ATXN10: variants seen among roughly 807,000 people sequenced by gnomAD.
The protein encoded by ATXN10 is ataxin 10.
A neutral mutation model predicts 52.9 loss-of-function variants in ATXN10; 28 were observed. That is an observed-to-expected ratio of 0.53 (90% CI 0.39 to 0.73). The LOEUF (loss-of-function observed/expected upper bound fraction) is 0.73, where lower values mean the gene tolerates loss of function less well. ATXN10 is among the 30% of genes least tolerant of loss of function. The pLI is 0.00. For missense variants in ATXN10, 565 were observed against 577.0 expected, an observed-to-expected ratio of 0.98 and a Z score of 0.21; for synonymous variants, 226 against 221.5, an observed-to-expected ratio of 1.02 and a Z score of -0.18.
At position 45,819,230 on chromosome 22, in the gene ATXN10, T is replaced by C. The variant is rs898998290; in HGVS notation, c.1237+12208T>C. ...TAGAATAGAATAGAATAGAATAGAA[T>C]AGAATAGAATAGAATAGAATAGGCT... is the stretch of plus-strand genomic sequence containing the variant. On this transcript the variant is annotated intron_variant, in intron 10 of 11. Coordinates refer to ENST00000252934, the MANE Select transcript of ATXN10 (RefSeq NM_013236.4). The surrounding 1 kb of genome is among the most constrained non-coding windows in gnomAD (Gnocchi z 4.5). 2.0e-5 allele frequency among the ~76,000 whole-genome samples: 3 copies of C among 149,326 alleles called. No homozygotes were observed. Among genetic ancestry groups the C allele is most frequent in the Admixed American group, 2.0e-4 (3 of 15,148 alleles).
chr22:45,710,970 C>A (rs1164381565), intron 5 of ATXN10, among the ~76,000 whole-genome samples: 2 of 152,008 alleles, frequency 1.3e-5, no homozygotes, highest in African/African-American at 2.4e-5. Flanking sequence ...GGTGAGAGAC[C>A]CCCAAAGGGT....
chr22:45,775,148 C>G lies in ATXN10; in HGVS notation c.1174-31811C>G, dbSNP rs996597766. Among the ~76,000 whole-genome samples, 4 of 152,166 alleles carry G rather than the reference C, an allele frequency of 2.6e-5. No homozygotes were observed. The highest frequency in any genetic ancestry group is 9.7e-5 in the African/African-American group (4 of 41,444). The stretch of plus-strand genomic sequence containing the variant: ...GGTCTGGGGCCTTCTTTGAGAAACA[C>G]TGGCCCTCAGTCCTTACCACTCCTA... On this transcript the variant is annotated intron_variant, in intron 9 of 11. Transcript: ENST00000252934. The surrounding 1 kb of genome is among the most constrained non-coding windows in gnomAD (Gnocchi z 4.7).
chr22:45,687,296 C>T (rs147440402), intron 1 of ATXN10, among the ~76,000 whole-genome samples: 1 of 152,120 alleles, frequency 6.6e-6, no homozygotes. Context: ...TTTCTTCTGT[C>T]TTGTTTAGTC....
intron 2 of ATXN10, among the ~76,000 whole-genome samples, chr22:45,691,590 G>A (rs2146739923): frequency 6.6e-6 from 1 of 152,318 alleles, no homozygotes; most frequent in South Asian, 2.1e-4. Flanking sequence ...TTACTGTTCT[G>A]AGCTTAAGCT....
rs1925891409 is a variant in ATXN10 at position 45,750,094 on chromosome 22, T to TTTTAA, written c.1173+9570_1173+9574dup. On this transcript the variant is annotated intron_variant, in intron 9 of 11. Transcript: ENST00000252934. The surrounding 1 kb of genome is among the most constrained non-coding windows in gnomAD (Gnocchi z 4.2). ...ATGATCAATTTTTAGATAACAGACG[T>TTTTAA]TTTAATTTAATTTAATTTTATTTTT... Among the ~76,000 whole-genome samples the TTTTAA allele has an allele frequency of 6.6e-6, 1 of 151,784 alleles. No homozygotes were observed. The highest frequency in any genetic ancestry group is 2.4e-5 in the African/African-American group (1 of 41,320).
At chr22:45,777,661 G>C (rs1400192764) in intron 9 of ATXN10, among the ~76,000 whole-genome samples, 1 of 152,234 alleles carries the variant, frequency 6.6e-6, no homozygotes, top group Non-Finnish European at 1.5e-5. Flanking sequence ...CCAGATCACA[G>C]TGCTTAATGT....
intron 5 of ATXN10, among the ~76,000 whole-genome samples, chr22:45,716,215 T>G (rs918471156): frequency 6.6e-6 from 1 of 152,108 alleles, no homozygotes; most frequent in Non-Finnish European, 1.5e-5. Context: ...CAGTGAGCTA[T>G]GATCGCACAA....
chr22:45,807,796 G>C (rs141469284), intron 10 of ATXN10, among the ~76,000 whole-genome samples: 1 of 152,298 alleles, frequency 6.6e-6, no homozygotes, highest in African/African-American at 2.4e-5. Flanking sequence ...TCACTGCTTG[G>C]CTGGTGGTGG....
In ATXN10 at chr22:45,788,009, A is replaced by G. The variant is rs369691369; in HGVS notation, c.1174-18950A>G. On this transcript the variant is annotated intron_variant, in intron 9 of 11. Transcript: ENST00000252934. The stretch of plus-strand genomic sequence containing the variant: ...AATACTTGGTGCTGATCCCAAGGTT[A>G]TACAAGGAGCACCAGGATTTCTCTC... Among the ~76,000 whole-genome samples the G allele has an allele frequency of 1.1e-4, 17 of 152,316 alleles. No homozygotes were observed. The East Asian group carries it at 1.3e-3, about 12-fold the overall frequency.
In ATXN10 at chr22:45,807,020, C is replaced by A. The variant is rs1210552299; in HGVS notation, c.1235C>A (p.Pro412His). The A allele has an allele frequency of 6.2e-7, 1 of 1,613,454 alleles. No individual in the cohort carries two copies. Among genetic ancestry groups the A allele is most frequent in the African/African-American group, 1.3e-5 (1 of 74,900 alleles). Residue 412 changes from proline to histidine, a missense_variant and splice_region_variant, in exon 10 of 12, where the codon CCC (proline) becomes CAC (histidine). By Grantham distance (77) the Pro-to-His change is moderately conservative. Transcript: ENST00000252934. ...LDNCNISDSN[P>H]FLTQWVIYAI... is the part of the protein sequence containing the mutation. The stretch of plus-strand genomic sequence containing the variant: ...AACTGCAACATCAGTGACAGTAACC[C>A]CTGTATCCTTGCATGTGAATTACCA...
intron 9 of ATXN10, among the ~76,000 whole-genome samples, chr22:45,798,025 G>T (rs1160742277): frequency 6.6e-6 from 1 of 152,196 alleles, no homozygotes; most frequent in Non-Finnish European, 1.5e-5. Flanking sequence ...AAAATTAAAT[G>T]TGTAGTTTAA....
Position 45,684,137 on chromosome 22 carries a change from GTTT to G in ATXN10, c.117-5563_117-5561del, listed in dbSNP as rs5845725. ...CCAGCTAATTAAAACAAGTTTTTTT[GTTT>G]TTTTTTTTTTTGTAGAGATAGGGTC... is the stretch of plus-strand genomic sequence containing the variant. On this transcript the variant is annotated intron_variant, in intron 1 of 11. Transcript: ENST00000252934. This position sits in a 1 kb window ranked among gnomAD's most constrained non-coding sequence, Gnocchi z 4.1. 1.5e-5 allele frequency among the ~76,000 whole-genome samples: 2 copies of G among 137,352 alleles called. No individual in the cohort carries two copies. The highest frequency in any genetic ancestry group is 7.3e-5 in the Admixed American group (1 of 13,652). 90.1% of individuals were successfully genotyped at this position (137,352 alleles called of 152,430 possible).
At chr22:45,811,716 A>C in intron 10 of ATXN10, 1 of 471,166 alleles carries the variant, frequency 2.1e-6, no homozygotes, top group South Asian at 1.5e-5. Context: ...TCCAGTCCAC[A>C]CTTGCATCAT....
intron 9 of ATXN10, 169 bp downstream of exon 9, chr22:45,740,707 CACACA>C: frequency 2.4e-6 from 1 of 418,356 alleles, no homozygotes; most frequent in Non-Finnish European, 4.3e-6. Flanking sequence ...CACACACACA[CACACA>C]CACACACATA....
intron 9 of ATXN10, among the ~76,000 whole-genome samples, chr22:45,764,823 A>T (rs943049031): frequency 1.3e-5 from 2 of 152,242 alleles, no homozygotes; most frequent in Non-Finnish European, 2.9e-5. Flanking sequence ...AATTCTCAGC[A>T]TCAGACAGCT....
chr22:45,751,557 G>A (rs969691470), intron 9 of ATXN10, among the ~76,000 whole-genome samples: 5 of 151,806 alleles, frequency 3.3e-5, no homozygotes, highest in African/African-American at 1.2e-4. Context: ...GTTGTCAGGT[G>A]TTCTGACTTG....
At chr22:45,745,393 G>A (rs1012019753) in intron 9 of ATXN10, among the ~76,000 whole-genome samples, 6 of 152,046 alleles carry the variant, frequency 3.9e-5, no homozygotes, top group Admixed American at 1.3e-4. Context: ...CCATATATCC[G>A]TTCTGCTAAA....
At chr22:45,682,467 C>G (rs1922964643) in intron 1 of ATXN10, among the ~76,000 whole-genome samples, 1 of 151,826 alleles carries the variant, frequency 6.6e-6, no homozygotes, top group South Asian at 2.1e-4. Context: ...ACCACCACAC[C>G]CGGCTATTTT....
At position 45,715,531 on chromosome 22, in the gene ATXN10, C is replaced by T. The variant is rs896969507; in HGVS notation, c.648-2882C>T. Among the ~76,000 whole-genome samples the T allele has an allele frequency of 6.6e-6, 1 of 152,032 alleles. No homozygotes were observed. The highest frequency in any genetic ancestry group is 2.4e-5 in the African/African-American group (1 of 41,376). ...TAACATGAGTTGTTTTTGTTATTTG[C>T]TGTTGTTGTTGTTGTTAAGCTCATT... On this transcript the variant is annotated intron_variant, in intron 5 of 11. Transcript: ENST00000252934. This position sits in a 1 kb window ranked among gnomAD's most constrained non-coding sequence, Gnocchi z 4.4.
Sources: allele counts gnomAD v4.1 joint callset (sites outside exome capture counted in the v4.1 genomes callset), GRCh38; gene constraint gnomAD v4.1.1; non-coding constraint Gnocchi (gnomAD v3.1); transcripts MANE v1.5; gene names NCBI Gene and HGNC (gene_info 2026-07-23, HGNC 2026-07-21).